The following DLG2 variants were observed in gnomAD, a reference collection of about 807,000 sequenced individuals.
DLG2 encodes discs large MAGUK scaffold protein 2, also known as disks large homolog 2.
DLG2 carries 45 observed loss-of-function variants against 132.5 expected under a neutral mutation model. The ratio of observed to expected loss-of-function variants is 0.34; its 90% confidence interval spans 0.27 to 0.44. The LOEUF is 0.44. Among genes scored for constraint, DLG2 ranks in the 20% least tolerant of loss-of-function variants. The probability of loss-of-function intolerance (pLI) is 1.00; values close to 1 mark genes in which losing one functional copy is unlikely to be tolerated. For missense variants in DLG2, 1,045 were observed against 1,196.9 expected (o/e 0.87, Z 1.87); for synonymous variants, 424 against 419.6 (o/e 1.01, Z -0.13).
At chr11:85,137,313 T>C (rs957602696) in intron 5 of DLG2, among the ~76,000 whole-genome samples, 1 of 152,288 alleles carries the variant, frequency 6.6e-6, no homozygotes, top group South Asian at 2.1e-4. Context: ...TATTATCTCA[T>C]GGTCATAATA....
intron 3 of DLG2, among the ~76,000 whole-genome samples, chr11:85,458,860 A>C (rs1193797415): frequency 1.3e-5 from 2 of 152,060 alleles, no homozygotes; most frequent in Non-Finnish European, 2.9e-5. Context: ...TTGAGTGCTG[A>C]CTGCAAATCT....
chr11:84,738,436 A>G (rs1443409668), intron 6 of DLG2, among the ~76,000 whole-genome samples: 2 of 152,140 alleles, frequency 1.3e-5, no homozygotes, highest in Non-Finnish European at 2.9e-5. Context: ...CATAACAACA[A>G]TATGTATGGT....
At chr11:83,787,385 G>A (rs1191738326) in intron 17 of DLG2, among the ~76,000 whole-genome samples, 3 of 141,144 alleles carry the variant, frequency 2.1e-5, no homozygotes, top group Non-Finnish European at 3.0e-5. Context: ...GCAGTGACGC[G>A]ATCTCTGCTC....
intron 6 of DLG2, among the ~76,000 whole-genome samples, chr11:84,891,132 T>C (rs1360462940): frequency 3.9e-5 from 6 of 152,170 alleles, no homozygotes; most frequent in African/African-American, 1.4e-4. Flanking sequence ...AGATTTCCCT[T>C]TGGCATCCTA....
At chr11:85,290,363 A>G (rs1233552599) in intron 3 of DLG2, among the ~76,000 whole-genome samples, 1 of 152,112 alleles carries the variant, frequency 6.6e-6, no homozygotes, top group East Asian at 1.9e-4. Context: ...TCCTGGGGAC[A>G]TGGGGCCTGA....
intron 6 of DLG2, among the ~76,000 whole-genome samples, chr11:84,807,760 G>A (rs1317752850): frequency 6.6e-6 from 1 of 152,094 alleles, no homozygotes; most frequent in African/African-American, 2.4e-5. Flanking sequence ...AGATCAGAAA[G>A]AGACATTATT....
At chr11:84,094,735 T>G (rs1308304041) in intron 10 of DLG2, among the ~76,000 whole-genome samples, 1 of 152,054 alleles carries the variant, frequency 6.6e-6, no homozygotes, top group Non-Finnish European at 1.5e-5. Context: ...CCTAATCATC[T>G]CTCAAAGGCC....
chr11:85,427,468 T>C (rs1017771024), intron 3 of DLG2, among the ~76,000 whole-genome samples: 6 of 152,210 alleles, frequency 3.9e-5, no homozygotes, highest in Non-Finnish European at 7.3e-5. Context: ...TGGGGGCCAA[T>C]ATTCAACTTT....
At chr11:83,997,108 C>T (rs1167679753) in intron 11 of DLG2, among the ~76,000 whole-genome samples, 2 of 112,328 alleles carry the variant, frequency 1.8e-5, no homozygotes, top group Non-Finnish European at 3.5e-5. Context: ...TATGTACTCA[C>T]AAAAACTAAA....
intron 10 of DLG2, among the ~76,000 whole-genome samples, chr11:84,074,145 T>G (rs761670227): frequency 6.6e-6 from 1 of 152,226 alleles, no homozygotes; most frequent in Non-Finnish European, 1.5e-5. Context: ...TGTTTTCTTA[T>G]TTATTATATT....
At chr11:85,617,950 G>T (rs1273686767) in intron 2 of DLG2, among the ~76,000 whole-genome samples, 1 of 152,102 alleles carries the variant, frequency 6.6e-6, no homozygotes, top group Non-Finnish European at 1.5e-5. Context: ...ATTTTCACAG[G>T]ATTTTCTACT....
At chr11:83,970,751 T>C (rs1174042993) in intron 12 of DLG2, among the ~76,000 whole-genome samples, 1 of 152,214 alleles carries the variant, frequency 6.6e-6, no homozygotes, top group Non-Finnish European at 1.5e-5. Flanking sequence ...GTTCTTAATG[T>C]TAGCTCTTAT....
intron 4 of DLG2, among the ~76,000 whole-genome samples, chr11:85,252,688 TAATA>T (rs1212097559): frequency 6.6e-6 from 1 of 152,216 alleles, no homozygotes; most frequent in African/African-American, 2.4e-5. Context: ...AATACTTACC[TAATA>T]AATATAAACA....
At chr11:85,197,843 G>A (rs556817148) in intron 4 of DLG2, among the ~76,000 whole-genome samples, 2 of 152,124 alleles carry the variant, frequency 1.3e-5, no homozygotes, top group Non-Finnish European at 2.9e-5. Flanking sequence ...TTCTAGTAAA[G>A]TCCTGCCATT....
intron 18 of DLG2, among the ~76,000 whole-genome samples, chr11:83,718,797 C>A (rs1240539493): frequency 6.6e-6 from 1 of 151,952 alleles, no homozygotes; most frequent in Non-Finnish European, 1.5e-5. Flanking sequence ...GAAAATGTTG[C>A]CCTGGGGTAA....
chr11:84,832,592 A>G (rs188058704), intron 6 of DLG2, among the ~76,000 whole-genome samples: 1 of 151,720 alleles, frequency 6.6e-6, no homozygotes, highest in African/African-American at 2.4e-5. Context: ...CAACCATGGG[A>G]TAACTGTAAT....
intron 18 of DLG2, among the ~76,000 whole-genome samples, chr11:83,723,021 T>C (rs746296113): frequency 1.3e-5 from 2 of 152,254 alleles, no homozygotes; most frequent in South Asian, 4.2e-4. Flanking sequence ...TGGATGCAAT[T>C]AGGAACAAAG....
chr11:83,907,579 T>C lies in DLG2; in HGVS notation c.1496+22749A>G, dbSNP rs953186560. Among the ~76,000 whole-genome samples, 9 of 152,178 alleles carry C rather than the reference T, an allele frequency of 5.9e-5. 1 individual carries two copies. The highest frequency in any genetic ancestry group is 5.9e-4 in the Admixed American group (9 of 15,270). On this transcript the variant is annotated intron_variant, in intron 15 of 27. Transcript: ENST00000376104. ...TAATAGGATGGGAAGGATAATGACTTACTTGATAGGATGCTTGTGAGATCA... is the reference window on the plus strand; with the variant it reads ...TAATAGGATGGGAAGGATAATGACTCACTTGATAGGATGCTTGTGAGATCA...
chr11:85,291,347 G>A (rs1238041967), intron 3 of DLG2, among the ~76,000 whole-genome samples: 1 of 151,950 alleles, frequency 6.6e-6, no homozygotes, highest in Non-Finnish European at 1.5e-5. Context: ...TCTATTATGG[G>A]CTAGAATAAA....
Sources: allele counts gnomAD v4.1 joint callset (sites outside exome capture counted in the v4.1 genomes callset), GRCh38; gene constraint gnomAD v4.1.1; transcripts MANE v1.5; gene names NCBI Gene and HGNC (gene_info 2026-07-23, HGNC 2026-07-21).